Variants in PSD3 observed in about 807,000 individuals in gnomAD.
The protein encoded by PSD3 is pleckstrin and Sec7 domain containing 3.
PSD3 carries 49 observed loss-of-function variants against 105.5 expected under a neutral mutation model. The ratio of observed to expected loss-of-function variants is 0.46; its 90% CI spans 0.37 to 0.59. The LOEUF (loss-of-function observed/expected upper bound fraction) is 0.59, where lower values mean the gene tolerates loss of function less well. Among genes scored for constraint, PSD3 ranks in the 20% least tolerant of loss-of-function variants. PSD3 has a pLI of 0.00. For missense variants in PSD3, 1,561 were observed against 1,263.8 expected (o/e 1.24, Z -3.57); for synonymous variants, 557 against 457.8 (o/e 1.22, Z -2.77).
chr8:18,872,137 C>G lies in PSD3; in HGVS notation c.727G>C (p.Val243Leu). ...GCCAAAGGACAAGATGGCTCCTGCA[C>G]ACAGACAGCCCCTTTCCTCCCATTA... The part of the protein sequence containing the change: ...MNNGRKGAVC[V>L]QEPSCPLASL... Residue 243 changes from valine (V) to leucine (L), a missense_variant, in exon 3 of 16, where the codon GTG becomes CTG. Coordinates refer to ENST00000327040, the MANE Select transcript of PSD3 (RefSeq NM_015310.4). 6.2e-7 allele frequency: 1 copy of G among 1,614,122 alleles called. No individual in the cohort carries two copies. Among genetic ancestry groups the G allele is most frequent in the Non-Finnish European group, 8.5e-7 (1 of 1,180,006 alleles).
chr8:18,555,451 G>T (rs1401942608), intron 15 of PSD3, among the ~76,000 whole-genome samples: 1 of 151,922 alleles, frequency 6.6e-6, no homozygotes, highest in African/African-American at 2.4e-5. Flanking sequence ...AAAAACAACA[G>T]GTCAAATTAG....
chr8:18,778,291 A>G (rs1055707548), intron 8 of PSD3, among the ~76,000 whole-genome samples: 3 of 152,172 alleles, frequency 2.0e-5, no homozygotes, highest in African/African-American at 7.2e-5. Flanking sequence ...GAATAGACAC[A>G]CTGCTGAGTT....
chr8:18,661,047 G>A (rs924487868), intron 9 of PSD3, among the ~76,000 whole-genome samples: 3 of 152,132 alleles, frequency 2.0e-5, no homozygotes. Context: ...CCCACACAGG[G>A]CTCTCTGAAG....
chr8:18,587,985 A>C (rs748657326), intron 12 of PSD3, among the ~76,000 whole-genome samples: 53 of 152,160 alleles, frequency 3.5e-4, no homozygotes, highest in Admixed American at 7.2e-4. Context: ...GGACATTAGT[A>C]ACTCCCTGTA....
intron 4 of PSD3, among the ~76,000 whole-genome samples, chr8:18,850,621 A>G (rs937899286): frequency 4.6e-5 from 7 of 152,188 alleles, no homozygotes; most frequent in African/African-American, 1.7e-4. Flanking sequence ...AAGGAGGCAA[A>G]AATTGCCCAG....
At chr8:18,601,782 A>C (rs572955935) in intron 11 of PSD3, among the ~76,000 whole-genome samples, 12 of 152,360 alleles carry the variant, frequency 7.9e-5, no homozygotes, top group African/African-American at 2.9e-4. Flanking sequence ...ATAAATATTC[A>C]CTACATTGTT....
intron 1 of PSD3, among the ~76,000 whole-genome samples, chr8:18,963,505 A>G (rs1432719132): frequency 6.6e-6 from 1 of 152,154 alleles, no homozygotes; most frequent in African/African-American, 2.4e-5. Flanking sequence ...ACTAAATTGC[A>G]AAGCATCAAC....
At chr8:18,805,971 A>T (rs1811159518) in intron 4 of PSD3, among the ~76,000 whole-genome samples, 1 of 152,220 alleles carries the variant, frequency 6.6e-6, no homozygotes, top group Non-Finnish European at 1.5e-5. Context: ...ATTCAATGAA[A>T]AAAGTGACTA....
chr8:19,047,084 C>T (rs1828346705), intron 1 of PSD3, among the ~76,000 whole-genome samples: 1 of 152,214 alleles, frequency 6.6e-6, no homozygotes, highest in South Asian at 2.1e-4. Flanking sequence ...TGCCAGCAGG[C>T]CTCTTATTCC....
chr8:18,804,869 T>C lies in PSD3; in HGVS notation c.1664A>G (p.Glu555Gly). The change falls in exon 5 of 16, where the codon GAA becomes GGA. Residue 555 changes from glutamate (E) to glycine (G), a missense_variant. By Grantham distance (98) the Glu-to-Gly change is moderately conservative. Transcript: ENST00000327040. The stretch of plus-strand genomic sequence containing the variant: ...AGTGCTCCCCATTTCAGAATGAGCT[T>C]CTAGCCGTGTTGTTTTCACCCCAGC... ...SNAGVKTTRL[E>G]AHSEMGSTEI... The C allele has an allele frequency of 6.2e-7, 1 of 1,612,764 alleles. No individual in the cohort carries two copies. Among genetic ancestry groups the C allele is most frequent in the East Asian group, 2.2e-5 (1 of 44,880 alleles).
chr8:18,740,347 T>A (rs189920947), intron 9 of PSD3, among the ~76,000 whole-genome samples: 1 of 152,234 alleles, frequency 6.6e-6, no homozygotes, highest in African/African-American at 2.4e-5. Flanking sequence ...GCACCCTTTC[T>A]GTTCCACTTC....
intron 10 of PSD3, among the ~76,000 whole-genome samples, chr8:18,640,897 A>G (rs1807596206): frequency 6.6e-6 from 1 of 152,144 alleles, no homozygotes; most frequent in South Asian, 2.1e-4. Flanking sequence ...TTGCCTTACT[A>G]TGTGGCAAAC....
chr8:18,981,658 C>CAT (rs35377388), intron 1 of PSD3, among the ~76,000 whole-genome samples: 1 of 57,930 alleles, frequency 1.7e-5, no homozygotes. Context: ...TAAAGTGAAT[C>CAT]ACTCCAGTGA....
At chr8:19,049,603 A>C in intron 1 of PSD3, among the ~76,000 whole-genome samples, 1 of 147,842 alleles carries the variant, frequency 6.8e-6, no homozygotes, top group Middle Eastern at 3.5e-3. Context: ...AGGCAGGAGG[A>C]TCACTTGAGC....
chr8:18,836,699 C>T (rs6586769), intron 4 of PSD3, among the ~76,000 whole-genome samples: 44,569 of 151,932 alleles, frequency 0.29, 6,824 homozygotes, highest in Non-Finnish European at 0.31. Flanking sequence ...CCGTCTGGTA[C>T]ACTTTAAATC....
intron 11 of PSD3, among the ~76,000 whole-genome samples, chr8:18,624,856 A>T (rs1563392680): frequency 6.6e-6 from 1 of 151,902 alleles, no homozygotes; most frequent in Non-Finnish European, 1.5e-5. Context: ...GTAATTATAC[A>T]TATCAATTTT....
intron 9 of PSD3, among the ~76,000 whole-genome samples, chr8:18,720,349 T>A (rs1340447505): frequency 6.6e-6 from 1 of 152,140 alleles, no homozygotes; most frequent in African/African-American, 2.4e-5. Context: ...TCTCTGAGCC[T>A]CTTAAGGTGA....
intron 9 of PSD3, among the ~76,000 whole-genome samples, chr8:18,701,101 G>C (rs945140973): frequency 2.7e-5 from 4 of 150,514 alleles, no homozygotes; most frequent in African/African-American, 9.7e-5. Flanking sequence ...AAGTAGCTGA[G>C]ACCACAGGTG....
intron 1 of PSD3, among the ~76,000 whole-genome samples, chr8:18,965,904 C>T (rs560730507): frequency 6.6e-6 from 1 of 152,312 alleles, no homozygotes; most frequent in African/African-American, 2.4e-5. Context: ...TAATATAACA[C>T]CCGGGGTTTG....
Sources: allele counts gnomAD v4.1 joint callset (sites outside exome capture counted in the v4.1 genomes callset), GRCh38; gene constraint gnomAD v4.1.1; transcripts MANE v1.5; gene names NCBI Gene and HGNC (gene_info 2026-07-23, HGNC 2026-07-21).